The following HCN1 variants were observed in gnomAD, a reference collection of about 807,000 sequenced individuals.
HCN1 encodes the protein potassium/sodium hyperpolarization-activated cyclic nucleotide-gated channel 1.
In HCN1, 13 loss-of-function variants were observed where a neutral mutation model predicts 78.9. The ratio of observed to expected loss-of-function variants is 0.16; its 90% CI spans 0.11 to 0.26. HCN1 has a LOEUF of 0.26. Ranked by LOEUF, HCN1 falls within the 10% of genes least tolerant of loss-of-function variation. HCN1 has a pLI of 1.00. For missense variants in HCN1, 810 were observed against 1,154.3 expected (o/e 0.70, Z 4.32); for synonymous variants, 552 against 455.5 (o/e 1.21, Z -2.70).
At chr5:45,561,057 T>A (rs1402750267) in intron 2 of HCN1, among the ~76,000 whole-genome samples, 1 of 151,908 alleles carries the variant, frequency 6.6e-6, no homozygotes, top group Non-Finnish European at 1.5e-5. Context: ...CTTTAACAAA[T>A]TTTTTTTAAA....
At chr5:45,672,619 T>A (rs1211502342) in intron 1 of HCN1, among the ~76,000 whole-genome samples, 2 of 150,800 alleles carry the variant, frequency 1.3e-5, no homozygotes, top group South Asian at 2.1e-4. Context: ...TTGCTTGTTG[T>A]CTGTGTTTGA....
In HCN1 at chr5:45,506,556, C is replaced by G. The variant is rs567548539; in HGVS notation, c.850-44549G>C. 2.0e-5 allele frequency among the ~76,000 whole-genome samples: 3 copies of G among 151,748 alleles called. No homozygotes were observed. In the East Asian group the frequency reaches 5.8e-4, roughly 29 times the overall value. On this transcript the variant is annotated intron_variant, in intron 2 of 7. Transcript: ENST00000303230. ...CAAAACACAAATGCAAACTGGGTTA[C>G]AAAATAAAAATAAAAAATGAAAAAC...
chr5:45,474,930 C>T (rs189114090), intron 2 of HCN1, among the ~76,000 whole-genome samples: 1 of 151,954 alleles, frequency 6.6e-6, no homozygotes, highest in East Asian at 1.9e-4. Context: ...AACCTGTTAA[C>T]ATTAATTCAT....
At chr5:45,495,240 T>A (rs1741999563) in intron 2 of HCN1, among the ~76,000 whole-genome samples, 1 of 104,314 alleles carries the variant, frequency 9.6e-6, no homozygotes, top group African/African-American at 3.8e-5. Context: ...GAGCATGGAA[T>A]GTTCTTCCAT....
At chr5:45,652,440 C>T (rs1745691864) in intron 1 of HCN1, among the ~76,000 whole-genome samples, 1 of 151,916 alleles carries the variant, frequency 6.6e-6, no homozygotes, top group Admixed American at 6.6e-5. Flanking sequence ...ACAATGTGGA[C>T]ATTACACATG....
intron 4 of HCN1, among the ~76,000 whole-genome samples, chr5:45,370,004 A>G (rs1018637030): frequency 3.3e-5 from 5 of 151,980 alleles, no homozygotes; most frequent in African/African-American, 9.7e-5. Flanking sequence ...CTGGAATTGT[A>G]CTTCCACTGG....
intron 2 of HCN1, among the ~76,000 whole-genome samples, chr5:45,544,035 C>A (rs1164317977): frequency 6.6e-6 from 1 of 151,970 alleles, no homozygotes; most frequent in East Asian, 1.9e-4. Context: ...CTTATAATTT[C>A]AACTTCCATT....
At chr5:45,591,219 G>A (rs1291090552) in intron 2 of HCN1, among the ~76,000 whole-genome samples, 1 of 152,140 alleles carries the variant, frequency 6.6e-6, no homozygotes, top group Non-Finnish European at 1.5e-5. Context: ...TATGAATATA[G>A]CTGTTATAAA....
At chr5:45,293,838 G>C (rs942457331) in intron 6 of HCN1, among the ~76,000 whole-genome samples, 2 of 151,796 alleles carry the variant, frequency 1.3e-5, no homozygotes, top group African/African-American at 4.8e-5. Context: ...TGTATTATTT[G>C]ACATTTCTAA....
At chr5:45,673,199 A>G (rs992422001) in intron 1 of HCN1, among the ~76,000 whole-genome samples, 4 of 151,492 alleles carry the variant, frequency 2.6e-5, no homozygotes, top group African/African-American at 4.8e-5. Flanking sequence ...TTTTCTCATG[A>G]TTAGACTGAG....
At chr5:45,409,321 C>G (rs1001527694) in intron 3 of HCN1, among the ~76,000 whole-genome samples, 9 of 151,924 alleles carry the variant, frequency 5.9e-5, no homozygotes, top group African/African-American at 1.4e-4. Context: ...CAATTCTAAC[C>G]TCTTTGCAAA....
At chr5:45,299,577 G>A (rs1745567167) in intron 6 of HCN1, among the ~76,000 whole-genome samples, 2 of 151,686 alleles carry the variant, frequency 1.3e-5, no homozygotes, top group Admixed American at 1.3e-4. Context: ...AGCTTTCCAG[G>A]AGATAGTAAT....
At chr5:45,472,557 AGGGAG>A (rs1741413115) in intron 2 of HCN1, among the ~76,000 whole-genome samples, 1 of 127,264 alleles carries the variant, frequency 7.9e-6, no homozygotes. Flanking sequence ...GGATGGAGGG[AGGGAG>A]GAAAGGAAAG....
chr5:45,494,514 G>A (rs997774037), intron 2 of HCN1, among the ~76,000 whole-genome samples: 5 of 151,770 alleles, frequency 3.3e-5, no homozygotes, highest in African/African-American at 9.7e-5. Flanking sequence ...TTTGACAGAT[G>A]AGTAGGTTGC....
chr5:45,464,069 T>G (rs986090497), intron 2 of HCN1, among the ~76,000 whole-genome samples: 2 of 152,096 alleles, frequency 1.3e-5, no homozygotes, highest in African/African-American at 4.8e-5. Flanking sequence ...TCTTGGTAGA[T>G]CTGACTGGGT....
chr5:45,341,143 T>C (rs971408214), intron 5 of HCN1, among the ~76,000 whole-genome samples: 26 of 152,226 alleles, frequency 1.7e-4, no homozygotes, highest in African/African-American at 6.3e-4. Flanking sequence ...AACAATGTCC[T>C]AAATGAATCA....
chr5:45,373,795 G>A (rs528402021), intron 4 of HCN1, among the ~76,000 whole-genome samples: 1 of 111,346 alleles, frequency 9.0e-6, no homozygotes, highest in East Asian at 2.5e-4. Flanking sequence ...CGGTATATAC[G>A]TCATCTATAA....
intron 3 of HCN1, among the ~76,000 whole-genome samples, chr5:45,420,347 T>G (rs1284176815): frequency 6.6e-6 from 1 of 152,148 alleles, no homozygotes; most frequent in Non-Finnish European, 1.5e-5. Context: ...ACATATGATT[T>G]ATACATTTTG....
chr5:45,416,686 T>G (rs1740125703), intron 3 of HCN1, among the ~76,000 whole-genome samples: 1 of 151,938 alleles, frequency 6.6e-6, no homozygotes, highest in South Asian at 2.1e-4. Context: ...CTAAGTATAT[T>G]AGAAATGAAA....
Sources: gnomAD v4.1 joint callset for allele counts (sites outside exome capture counted in the v4.1 genomes callset) on GRCh38, gnomAD v4.1.1 for gene constraint, MANE v1.5 for transcripts, NCBI Gene and HGNC (gene_info 2026-07-23, HGNC 2026-07-21) for gene names.